The following PDK1 variants were observed in gnomAD, a reference collection of about 807,000 sequenced individuals.
PDK1 encodes the protein [Pyruvate dehydrogenase (acetyl-transferring)] kinase isozyme 1, mitochondrial.
Under a neutral mutation model 54.2 loss-of-function variants are expected in PDK1, and 39 were observed. The observed-to-expected ratio is 0.72, with a 90% CI of 0.56 to 0.94. PDK1 has a LOEUF of 0.94. PDK1 is among the 40% of genes least tolerant of loss of function. PDK1 has a pLI of 0.00. For missense variants in PDK1, 552 were observed against 566.0 expected (o/e 0.98, Z 0.25); for synonymous variants, 221 against 207.1 (o/e 1.07, Z -0.58).
chr2:172,557,610 CGTGT>C (rs55753852), intron 1 of PDK1, among the ~76,000 whole-genome samples: 10,829 of 141,888 alleles, frequency 0.076, 586 homozygotes, highest in East Asian at 0.19. Flanking sequence ...TCTTTTTTCC[CGTGT>C]GTGTGTGTGT....
chr2:172,622,077 T>TTGAGA, the PDK1 span, among the ~76,000 whole-genome samples: 1 of 137,492 alleles, frequency 7.3e-6, no homozygotes, highest in South Asian at 2.7e-4. Flanking sequence ...ATCTCATATA[T>TTGAGA]TATGTGAGAT....
At chr2:172,692,623 G>A in the PDK1 span, among the ~76,000 whole-genome samples, 1 of 152,152 alleles carries the variant, frequency 6.6e-6, no homozygotes, top group East Asian at 1.9e-4. Context: ...TTGGGGGTTA[G>A]GGCAGGTCTT....
the PDK1 span, among the ~76,000 whole-genome samples, chr2:172,714,018 A>G: frequency 1.3e-5 from 2 of 152,258 alleles, no homozygotes. Flanking sequence ...ACAGATGAAG[A>G]AATGGAAATA....
At position 172,603,782 on chromosome 2, in the gene PDK1, G is replaced by A. The variant is rs921344515; in HGVS notation, c.*7813G>A. 6.6e-6 allele frequency: 1 copy of A among 152,160 alleles called. No individual in the cohort carries two copies. The highest frequency in any genetic ancestry group is 1.5e-5 in the Non-Finnish European group (1 of 68,036). The allele number at this position is 152,160 out of a possible 1,614,324, so 9.4% of individuals were successfully genotyped here. On this transcript the variant is annotated 3_prime_UTR_variant, in exon 11 of 11. Transcript: ENST00000282077. The stretch of plus-strand genomic sequence containing the variant: ...ATAAGACCTCTTATGCCTGTGAATG[G>A]AAGGCCCTGATAAAACTTCATTATT...
At chr2:172,668,906 T>TAC in the PDK1 span, among the ~76,000 whole-genome samples, 26 of 130,638 alleles carry the variant, frequency 2.0e-4, no homozygotes, top group South Asian at 3.3e-3. Flanking sequence ...TATATATATA[T>TAC]AGAGAGAGAG....
the PDK1 span, among the ~76,000 whole-genome samples, chr2:172,708,183 G>A: frequency 1.3e-5 from 2 of 152,022 alleles, no homozygotes; most frequent in East Asian, 3.9e-4. Flanking sequence ...CAGCTATTCG[G>A]GAGGATGAGG....
At chr2:172,626,012 AG>A in the PDK1 span, among the ~76,000 whole-genome samples, 4 of 152,354 alleles carry the variant, frequency 2.6e-5, no homozygotes, top group Admixed American at 1.3e-4. Context: ...AACATTTCCT[AG>A]AAATCTTTCA....
At position 172,593,008 on chromosome 2, in the gene PDK1, C is replaced by A. The variant is rs754721416; in HGVS notation, c.1130C>A (p.Ser377Tyr). Reference protein sequence around the residue: ...QYFQGDLKLYSLEGYGTDAVI... With the variant: ...QYFQGDLKLYYLEGYGTDAVI... The stretch of plus-strand genomic sequence containing the variant: ...TTCCAAGGAGACCTGAAGCTGTATT[C>A]CCTAGAGGGTTACGGGACAGATGCA... The change falls in exon 10 of 11, where the codon TCC becomes TAC. Residue 377 changes from serine (S) to tyrosine (Y), a missense_variant. By Grantham distance (144) the Ser-to-Tyr change is moderately radical (BLOSUM62 -2). Transcript: ENST00000282077. The A allele has an allele frequency of 1.9e-6, 3 of 1,608,450 alleles. No homozygotes were observed. The highest frequency in any genetic ancestry group is 2.2e-5 in the South Asian group (2 of 90,946).
chr2:172,634,401 C>T, the PDK1 span, among the ~76,000 whole-genome samples: 1 of 150,498 alleles, frequency 6.6e-6, no homozygotes, highest in East Asian at 2.0e-4. Context: ...GCCTCCTGAG[C>T]AGCTGGGATT....
chr2:172,619,468 T>TA, the PDK1 span, among the ~76,000 whole-genome samples: 6 of 149,720 alleles, frequency 4.0e-5, no homozygotes, highest in Non-Finnish European at 8.8e-5. Context: ...TTTTTGTGCT[T>TA]ACATTATCTC....
At chr2:172,578,409 A>AT (rs1228460858) in intron 8 of PDK1, among the ~76,000 whole-genome samples, 9 of 151,996 alleles carry the variant, frequency 5.9e-5, no homozygotes, top group African/African-American at 2.2e-4. Context: ...CTCTTATATA[A>AT]TATCTATCCT....
the PDK1 span, among the ~76,000 whole-genome samples, chr2:172,709,036 C>G: frequency 6.7e-6 from 1 of 149,762 alleles, no homozygotes; most frequent in Admixed American, 6.6e-5. Context: ...TGTTGTTTCT[C>G]TCTCTCTCTC....
the PDK1 span, among the ~76,000 whole-genome samples, chr2:172,655,718 C>G: frequency 6.6e-6 from 1 of 152,188 alleles, no homozygotes; most frequent in Non-Finnish European, 1.5e-5. Flanking sequence ...GTGCAGGAGC[C>G]CAAGTGGGCG....
At chr2:172,667,629 A>G in the PDK1 span, among the ~76,000 whole-genome samples, 1 of 152,242 alleles carries the variant, frequency 6.6e-6, no homozygotes, top group Admixed American at 6.5e-5. Flanking sequence ...ATATTACTGC[A>G]ATGACCTCAG....
intron 8 of PDK1, among the ~76,000 whole-genome samples, chr2:172,577,849 AAG>A (rs1325069204): frequency 6.6e-6 from 1 of 152,216 alleles, no homozygotes; most frequent in Non-Finnish European, 1.5e-5. Flanking sequence ...AGGACACAAA[AAG>A]AGTTACAAAC....
chr2:172,665,410 T>C, the PDK1 span, among the ~76,000 whole-genome samples: 1 of 152,222 alleles, frequency 6.6e-6, no homozygotes, highest in South Asian at 2.1e-4. Flanking sequence ...GGTGAGGGAA[T>C]GAGAAATTAT....
the PDK1 span, among the ~76,000 whole-genome samples, chr2:172,669,944 T>C: frequency 2.0e-5 from 3 of 152,242 alleles, no homozygotes; most frequent in African/African-American, 7.2e-5. Flanking sequence ...TTTCTCCATC[T>C]GTGGGTTGCC....
chr2:172,682,051 G>A, the PDK1 span, among the ~76,000 whole-genome samples: 14 of 152,332 alleles, frequency 9.2e-5, no homozygotes, highest in Non-Finnish European at 2.1e-4. Context: ...GAGCCACCAC[G>A]CCCAGCCAGG....
the PDK1 span, among the ~76,000 whole-genome samples, chr2:172,695,536 C>A: frequency 2.0e-4 from 30 of 152,276 alleles, no homozygotes; most frequent in East Asian, 5.6e-3. Context: ...AGTGTTCAAA[C>A]CTTTATGTAA....
Sources: allele counts gnomAD v4.1 joint callset (sites outside exome capture counted in the v4.1 genomes callset), GRCh38; gene constraint gnomAD v4.1.1; transcripts MANE v1.5; gene names NCBI Gene and HGNC (gene_info 2026-07-23, HGNC 2026-07-21).